The following MPPED2 variants were observed in gnomAD, a reference collection of about 807,000 sequenced individuals.
The protein encoded by MPPED2 is metallophosphoesterase domain containing 2.
Under a neutral mutation model 33.0 loss-of-function variants are expected in MPPED2, and 5 were observed. That is an observed-to-expected ratio of 0.15 (90% CI 0.08 to 0.32). The LOEUF (loss-of-function observed/expected upper bound fraction) is 0.32. MPPED2 is among the 10% of genes least tolerant of loss of function. MPPED2 has a pLI of 1.00. For synonymous variants in MPPED2, 136 were observed against 141.9 expected, an observed-to-expected ratio of 0.96 and a Z score of 0.29; for missense variants, 275 against 372.1, an observed-to-expected ratio of 0.74 and a Z score of 2.15.
At chr11:30,573,165 G>A (rs61884751) in intron 2 of MPPED2, among the ~76,000 whole-genome samples, 43 of 152,272 alleles carry the variant, frequency 2.8e-4, no homozygotes, top group African/African-American at 9.9e-4. Context: ...ATATATGAAG[G>A]TGGTACCATA....
At chr11:30,561,611 C>A (rs576542042) in intron 2 of MPPED2, among the ~76,000 whole-genome samples, 2 of 152,168 alleles carry the variant, frequency 1.3e-5, no homozygotes, top group Non-Finnish European at 2.9e-5. Context: ...ATAGCTAGAT[C>A]GTAGCAACCT....
intron 2 of MPPED2, among the ~76,000 whole-genome samples, chr11:30,557,990 G>A (rs918153180): frequency 6.6e-6 from 1 of 152,184 alleles, no homozygotes; most frequent in Non-Finnish European, 1.5e-5. Flanking sequence ...GATAATGTCT[G>A]TGGCTGGAAA....
At chr11:30,465,829 T>C (rs1487468308) in intron 4 of MPPED2, among the ~76,000 whole-genome samples, 4 of 152,144 alleles carry the variant, frequency 2.6e-5, no homozygotes, top group African/African-American at 7.2e-5. Context: ...AACTCATGTA[T>C]ATGGAGGGCA....
chr11:30,580,125 T>C lies in MPPED2; in HGVS notation c.128+121A>G, dbSNP rs1045825343. 6 of 967,910 alleles carry C rather than the reference T, an allele frequency of 6.2e-6. No homozygotes were observed. In the African/African-American group the frequency reaches 6.6e-5, roughly 11 times the overall value. The allele number at this position is 967,910 out of a possible 1,614,324, so 60.0% of individuals were successfully genotyped here. A position where few individuals can be genotyped will look rare whatever the true frequency, so the allele number is the denominator to read the frequency against. On this transcript the variant is annotated intron_variant, in intron 2 of 6. Transcript: ENST00000358117. Reference sequence around the variant, plus strand: ...CTGTATTTGAAACCACAGATATCCATCTGATTTGTAAATCATTTACCTTTT... The same window carrying C: ...CTGTATTTGAAACCACAGATATCCACCTGATTTGTAAATCATTTACCTTTT...
At chr11:30,535,036 C>A (rs1954737389) in intron 3 of MPPED2, among the ~76,000 whole-genome samples, 1 of 152,128 alleles carries the variant, frequency 6.6e-6, no homozygotes, top group African/African-American at 2.4e-5. Flanking sequence ...TGAGCAAAGT[C>A]ACATGAAAAA....
chr11:30,424,687 G>A (rs7928159), intron 4 of MPPED2, among the ~76,000 whole-genome samples: 13,240 of 151,884 alleles, frequency 0.087, 1,885 homozygotes, highest in African/African-American at 0.3. Flanking sequence ...TCCCTGCCTC[G>A]TTTTCCCTTC....
chr11:30,390,061 C>A (rs1310160160), intron 6 of MPPED2, among the ~76,000 whole-genome samples: 1 of 152,140 alleles, frequency 6.6e-6, no homozygotes, highest in African/African-American at 2.4e-5. Flanking sequence ...ATGTAAGTGT[C>A]GAAATGCAGG....
chr11:30,435,565 T>C (rs1458381765), intron 4 of MPPED2, among the ~76,000 whole-genome samples: 2 of 152,166 alleles, frequency 1.3e-5, no homozygotes, highest in East Asian at 1.9e-4. Context: ...GAGAAAACTG[T>C]GTTTCAAAAT....
intron 4 of MPPED2, among the ~76,000 whole-genome samples, chr11:30,461,458 G>A (rs1950515184): frequency 1.3e-5 from 2 of 152,154 alleles, no homozygotes; most frequent in South Asian, 4.2e-4. Context: ...TACAGAACTG[G>A]CCTCGGTGAG....
chr11:30,489,614 A>T (rs1951885016), intron 4 of MPPED2, among the ~76,000 whole-genome samples: 2 of 152,220 alleles, frequency 1.3e-5, no homozygotes, highest in Admixed American at 1.3e-4. Context: ...CTGCTGGAGA[A>T]GTTAAGGCAC....
intron 4 of MPPED2, chr11:30,429,228 T>C (rs142017064): frequency 9.8e-5 from 15 of 152,314 alleles, no homozygotes; most frequent in African/African-American, 3.6e-4. Flanking sequence ...CAAAGGCCTA[T>C]ATGTGTGAGT....
chr11:30,507,084 C>T (rs931881912), intron 3 of MPPED2, among the ~76,000 whole-genome samples: 1 of 152,162 alleles, frequency 6.6e-6, no homozygotes, highest in African/African-American at 2.4e-5. Context: ...TCTCAATTTC[C>T]AAACTTTCAA....
At chr11:30,560,563 A>G (rs1057108516) in intron 2 of MPPED2, among the ~76,000 whole-genome samples, 9 of 152,306 alleles carry the variant, frequency 5.9e-5, no homozygotes, top group South Asian at 2.1e-4. Flanking sequence ...AGCAACTAAC[A>G]TAAGTGAAAA....
chr11:30,567,114 T>C (rs1366118735), intron 2 of MPPED2, among the ~76,000 whole-genome samples: 1 of 152,166 alleles, frequency 6.6e-6, no homozygotes, highest in East Asian at 1.9e-4. Flanking sequence ...GCATCTTTCC[T>C]TCAATGTCAG....
At chr11:30,494,390 C>T (rs1432172386) in intron 4 of MPPED2, among the ~76,000 whole-genome samples, 1 of 151,980 alleles carries the variant, frequency 6.6e-6, no homozygotes, top group Admixed American at 6.6e-5. Context: ...TACAGCCAGC[C>T]CTCCATAATC....
At position 30,561,211 on chromosome 11, in the gene MPPED2, T is replaced by C. The variant is rs559429496; in HGVS notation, c.128+19035A>G. Reference sequence around the variant, plus strand: ...ATTTCTACAGTGAAATAAATACTGCTACAGCCAGTATATTCACTAGTTGGA... The same window carrying C: ...ATTTCTACAGTGAAATAAATACTGCCACAGCCAGTATATTCACTAGTTGGA... On this transcript the variant is annotated intron_variant, in intron 2 of 6. Transcript: ENST00000358117. 1.6e-4 allele frequency among the ~76,000 whole-genome samples: 25 copies of C among 152,302 alleles called. No individual in the cohort carries two copies. In the East Asian group the frequency reaches 4.8e-3, roughly 29 times the overall value.
At chr11:30,413,551 G>A (rs1948207438) in intron 6 of MPPED2, among the ~76,000 whole-genome samples, 1 of 152,164 alleles carries the variant, frequency 6.6e-6, no homozygotes, top group African/African-American at 2.4e-5. Context: ...AGCTTACCTT[G>A]AAAGGCAGAA....
At chr11:30,545,236 TG>T (rs898442451) in intron 2 of MPPED2, among the ~76,000 whole-genome samples, 4 of 151,388 alleles carry the variant, frequency 2.6e-5, no homozygotes, top group Admixed American at 6.6e-5. Flanking sequence ...GGATGGGAGG[TG>T]GGGGGATTCT....
At chr11:30,548,628 C>A (rs968190773) in intron 2 of MPPED2, among the ~76,000 whole-genome samples, 22 of 152,250 alleles carry the variant, frequency 1.4e-4, no homozygotes, top group Admixed American at 5.9e-4. Flanking sequence ...GAAATTAGTT[C>A]TATTTAAAAA....
Sources: gnomAD v4.1 joint callset for allele counts (sites outside exome capture counted in the v4.1 genomes callset) on GRCh38, gnomAD v4.1.1 for gene constraint, MANE v1.5 for transcripts, NCBI Gene and HGNC (gene_info 2026-07-23, HGNC 2026-07-21) for gene names.